Variants in SNX29 observed in about 807,000 individuals in gnomAD.
The protein encoded by SNX29 is sorting nexin-29.
SNX29 carries 78 observed loss-of-function variants against 102.1 expected under a neutral mutation model. The ratio of observed to expected loss-of-function variants is 0.76; its 90% CI spans 0.64 to 0.92. The LOEUF (loss-of-function observed/expected upper bound fraction) is 0.92, where lower values mean the gene tolerates loss of function less well. SNX29 is among the 40% of genes least tolerant of loss of function. SNX29 has a pLI of 0.00. For missense variants in SNX29, 1,280 were observed against 1,061.7 expected (o/e 1.21, Z -2.86); for synonymous variants, 580 against 414.5 (o/e 1.40, Z -4.85).
chr16:12,219,987 ACT>A (rs1024246825), intron 14 of SNX29, among the ~76,000 whole-genome samples: 1 of 151,364 alleles, frequency 6.6e-6, no homozygotes, highest in Non-Finnish European at 1.5e-5. Context: ...CCCGGCCTCA[ACT>A]CTCTCTGTGT....
chr16:12,023,103 G>C (rs2151100869), intron 3 of SNX29, among the ~76,000 whole-genome samples: 1 of 151,936 alleles, frequency 6.6e-6, no homozygotes, highest in African/African-American at 2.4e-5. Flanking sequence ...CACCCTGTTG[G>C]CCAGGCTGGT....
chr16:12,162,935 G>C (rs957796689), intron 13 of SNX29, among the ~76,000 whole-genome samples: 4 of 152,054 alleles, frequency 2.6e-5, no homozygotes, highest in Admixed American at 2.6e-4. Context: ...AAGCTAGAGT[G>C]CAGTGGTACG....
At chr16:12,523,035 C>G (rs2090158626) in intron 19 of SNX29, among the ~76,000 whole-genome samples, 1 of 152,182 alleles carries the variant, frequency 6.6e-6, no homozygotes, top group Non-Finnish European at 1.5e-5. Flanking sequence ...TGGTCTCAAA[C>G]TCCTGGGCTC....
intron 10 of SNX29, among the ~76,000 whole-genome samples, chr16:12,069,924 C>T (rs544964460): frequency 1.1e-4 from 16 of 151,510 alleles, no homozygotes; most frequent in Admixed American, 4.0e-4. Context: ...GTGATCCGCC[C>T]GCCTCGGCCT....
chr16:12,176,067 GAGA>G (rs1302723956), intron 13 of SNX29, among the ~76,000 whole-genome samples: 1 of 152,018 alleles, frequency 6.6e-6, no homozygotes, highest in African/African-American at 2.4e-5. Flanking sequence ...CACTGGCAGA[GAGA>G]AGATCATGTG....
intron 19 of SNX29, among the ~76,000 whole-genome samples, chr16:12,504,617 C>G (rs927166944): frequency 2.0e-5 from 3 of 152,184 alleles, no homozygotes; most frequent in Admixed American, 2.0e-4. Flanking sequence ...TTCAGTTACC[C>G]ACAGTACAGT....
intron 20 of SNX29, among the ~76,000 whole-genome samples, chr16:12,527,879 C>T (rs2076829494): frequency 2.7e-5 from 4 of 149,688 alleles, no homozygotes; most frequent in Admixed American, 6.7e-5. Flanking sequence ...AACTGGAGTC[C>T]AGTGGCATGA....
At chr16:12,375,564 G>A (rs901494843) in intron 16 of SNX29, 4 of 152,164 alleles carry the variant, frequency 2.6e-5, no homozygotes, top group African/African-American at 7.2e-5. Flanking sequence ...GTGGTTGTTG[G>A]CAGGATTCAG....
intron 15 of SNX29, among the ~76,000 whole-genome samples, chr16:12,329,598 G>A (rs766782768): frequency 6.6e-6 from 1 of 152,276 alleles, no homozygotes; most frequent in African/African-American, 2.4e-5. Flanking sequence ...AGAGTGATTT[G>A]TACCCCACAC....
intron 14 of SNX29, among the ~76,000 whole-genome samples, chr16:12,232,340 A>T (rs1274579616): frequency 1.3e-5 from 2 of 152,176 alleles, no homozygotes; most frequent in Non-Finnish European, 2.9e-5. Flanking sequence ...CAGCCTGACC[A>T]ACGTGGTGAA....
intron 16 of SNX29, among the ~76,000 whole-genome samples, chr16:12,380,722 ACCCGCCAT>A (rs2083070201): frequency 9.6e-6 from 1 of 103,918 alleles, no homozygotes; most frequent in Non-Finnish European, 1.9e-5. Flanking sequence ...AATTCCATCC[ACCCGCCAT>A]CCATCCATCC....
chr16:12,242,621 C>T (rs377486846), intron 14 of SNX29, among the ~76,000 whole-genome samples: 1 of 149,058 alleles, frequency 6.7e-6, no homozygotes, highest in Admixed American at 6.7e-5. Context: ...TCTTCTTCCT[C>T]TCTTCTTCTC....
chr16:12,172,413 C>A (rs1269008793), intron 13 of SNX29, among the ~76,000 whole-genome samples: 1 of 152,076 alleles, frequency 6.6e-6, no homozygotes, highest in Non-Finnish European at 1.5e-5. Flanking sequence ...TCCCCCAGGG[C>A]CAGGAAGAGA....
chr16:12,554,743 C>T (rs1487864459), intron 20 of SNX29, among the ~76,000 whole-genome samples: 2 of 152,114 alleles, frequency 1.3e-5, no homozygotes, highest in Non-Finnish European at 2.9e-5. Context: ...TTGCATTTTC[C>T]TTAAGTGTAT....
chr16:12,345,557 A>G (rs2081771395), intron 15 of SNX29, among the ~76,000 whole-genome samples: 3 of 152,212 alleles, frequency 2.0e-5, no homozygotes, highest in Non-Finnish European at 2.9e-5. Flanking sequence ...TATGTCATAC[A>G]TGACGTACTT....
chr16:12,215,784 C>T (rs1567321160), intron 14 of SNX29, among the ~76,000 whole-genome samples: 1 of 152,146 alleles, frequency 6.6e-6, no homozygotes, highest in African/African-American at 2.4e-5. Context: ...GAATGAATTC[C>T]TCCAAAAACA....
At chr16:12,554,691 C>G (rs562113829) in intron 20 of SNX29, among the ~76,000 whole-genome samples, 2 of 152,182 alleles carry the variant, frequency 1.3e-5, no homozygotes, top group African/African-American at 4.8e-5. Context: ...TTCTCAGCAT[C>G]CCTGCCCATG....
intron 19 of SNX29, among the ~76,000 whole-genome samples, chr16:12,489,001 T>A (rs1461088423): frequency 1.3e-5 from 2 of 152,164 alleles, no homozygotes; most frequent in Admixed American, 6.6e-5. Context: ...GCTGTGAGTT[T>A]CCTTGTATAT....
At chr16:12,126,140 G>A (rs940614221) in intron 11 of SNX29, among the ~76,000 whole-genome samples, 1 of 152,220 alleles carries the variant, frequency 6.6e-6, no homozygotes, top group Non-Finnish European at 1.5e-5. Context: ...AATATGCCCA[G>A]TTTAACCCAC....
Sources: allele counts gnomAD v4.1 joint callset (sites outside exome capture counted in the v4.1 genomes callset), GRCh38; gene constraint gnomAD v4.1.1; transcripts MANE v1.5; gene names NCBI Gene and HGNC (gene_info 2026-07-23, HGNC 2026-07-21).